The following TMEM278 variants were observed in gnomAD, a reference collection of about 807,000 sequenced individuals.
TMEM278 encodes transmembrane protein 88B.
At chr1:1,429,389 T>C in the TMEM278 span, among the ~76,000 whole-genome samples, 1 of 152,062 alleles carries the variant, frequency 6.6e-6, no homozygotes, top group African/African-American at 2.4e-5. Context: ...TTACATCTGA[T>C]TGTGTTTTAG....
At chr1:1,427,739 C>A in the TMEM278 span, 2 of 1,303,086 alleles carry the variant, frequency 1.5e-6, no homozygotes, top group Admixed American at 3.9e-5. Flanking sequence ...GACCCCGCCG[C>A]CCCCCGGGGC....
At chr1:1,427,775 C>T in the TMEM278 span, 3 of 1,363,514 alleles carry the variant, frequency 2.2e-6, no homozygotes, top group East Asian at 3.4e-5. Flanking sequence ...AGCAACTCTG[C>T]GCCTGGGTGT....
At chr1:1,426,082 T>G in the TMEM278 span, 1 of 1,341,330 alleles carries the variant, frequency 7.5e-7, no homozygotes, top group Non-Finnish European at 9.6e-7. Context: ...AGAGCACCAC[T>G]CTGCATTGAG....
the TMEM278 span, chr1:1,427,838 C>G: frequency 7.4e-7 from 1 of 1,343,148 alleles, no homozygotes; most frequent in Non-Finnish European, 9.6e-7. Flanking sequence ...GCGCGCGACC[C>G]CATCGCGTGG....
chr1:1,428,083 A>C, the TMEM278 span, among the ~76,000 whole-genome samples: 1 of 4,220 alleles, frequency 2.4e-4, no homozygotes, highest in Non-Finnish European at 5.0e-4. Context: ...AGGGGAAGAG[A>C]GGGGAGGGGA....
At chr1:1,426,123 G>T in the TMEM278 span, 1 of 1,388,480 alleles carries the variant, frequency 7.2e-7, no homozygotes, top group Non-Finnish European at 9.4e-7. Flanking sequence ...TGCAGTGGCA[G>T]GAGCATGAGT....
the TMEM278 span, among the ~76,000 whole-genome samples, chr1:1,429,861 C>CT: frequency 4.1e-4 from 63 of 152,050 alleles, 1 homozygote; most frequent in African/African-American, 1.4e-3. Context: ...CCACACTACT[C>CT]TGTCTGTTTG....
the TMEM278 span, among the ~76,000 whole-genome samples, chr1:1,428,767 G>A: frequency 2.6e-5 from 4 of 152,278 alleles, no homozygotes; most frequent in African/African-American, 9.6e-5. Context: ...TTGGGAAGCC[G>A]AGGAGGGCGG....
chr1:1,426,172 T>A, the TMEM278 span: 5 of 1,401,874 alleles, frequency 3.6e-6, no homozygotes, highest in East Asian at 1.4e-4. Context: ...AGGGGGGAGG[T>A]GGTGCTTCCG....
At chr1:1,428,987 G>A in the TMEM278 span, among the ~76,000 whole-genome samples, 4 of 142,672 alleles carry the variant, frequency 2.8e-5, no homozygotes, top group Middle Eastern at 3.3e-3. Flanking sequence ...GCGAAAGAGC[G>A]AGGCTCCGTC....
chr1:1,425,880 G>A, the TMEM278 span, among the ~76,000 whole-genome samples: 1 of 152,180 alleles, frequency 6.6e-6, no homozygotes, highest in East Asian at 1.9e-4. Flanking sequence ...CAGAGCACCA[G>A]GAGCTGGCTG....
At chr1:1,426,144 G>A in the TMEM278 span, 3 of 1,410,580 alleles carry the variant, frequency 2.1e-6, no homozygotes, top group South Asian at 1.6e-5. Context: ...GAGCAGGGGA[G>A]GGAGACGGAG....
the TMEM278 span, chr1:1,427,827 C>G: frequency 7.3e-7 from 1 of 1,361,822 alleles, no homozygotes; most frequent in Non-Finnish European, 9.5e-7. Flanking sequence ...CCTCCGAGCT[C>G]GCGCGCGACC....
the TMEM278 span, among the ~76,000 whole-genome samples, chr1:1,429,378 G>T: frequency 6.6e-6 from 1 of 151,738 alleles, no homozygotes; most frequent in African/African-American, 2.4e-5. Context: ...ATATCTAAAA[G>T]TTACATCTGA....
At chr1:1,430,190 A>C in the TMEM278 span, among the ~76,000 whole-genome samples, 68,270 of 152,064 alleles carry the variant, frequency 0.45, 20,834 homozygotes, top group East Asian at 0.99. Context: ...TTTGGGGGAG[A>C]CTCGGAGATA....
the TMEM278 span, chr1:1,426,147 A>G: frequency 7.1e-7 from 1 of 1,409,340 alleles, no homozygotes; most frequent in Non-Finnish European, 9.3e-7. Flanking sequence ...CAGGGGAGGG[A>G]GACGGAGGAG....
chr1:1,426,460 G>A, the TMEM278 span: 2 of 1,225,096 alleles, frequency 1.6e-6, no homozygotes, highest in Non-Finnish European at 2.1e-6. Flanking sequence ...TGAAGGCACT[G>A]TGCCCCCTTC....
chr1:1,428,006 G>T, the TMEM278 span, among the ~76,000 whole-genome samples: 6 of 122,788 alleles, frequency 4.9e-5, no homozygotes, highest in East Asian at 2.8e-4. Context: ...AGAGAGGGGA[G>T]GGGAGGGGGA....
the TMEM278 span, chr1:1,427,652 G>C: frequency 2.2e-6 from 3 of 1,344,872 alleles, no homozygotes; most frequent in Non-Finnish European, 2.9e-6. Flanking sequence ...CGCCGCTGCT[G>C]GTGCTCGCCT....
Sources: gnomAD v4.1 joint callset for allele counts (sites outside exome capture counted in the v4.1 genomes callset) on GRCh38, gnomAD v4.1.1 for gene constraint, MANE v1.5 for transcripts, NCBI Gene and HGNC (gene_info 2026-07-23, HGNC 2026-07-21) for gene names.